PLEKHA5: variants seen among roughly 807,000 people sequenced by gnomAD.
The protein encoded by PLEKHA5 is pleckstrin homology domain-containing family A member 5.
PLEKHA5 carries 55 observed loss-of-function variants against 181.9 expected under a neutral mutation model. The observed-to-expected ratio is 0.30, with a 90% confidence interval of 0.24 to 0.38. The LOEUF (loss-of-function observed/expected upper bound fraction) is 0.38, where lower values mean the gene tolerates loss of function less well. Among genes scored for constraint, PLEKHA5 ranks in the 10% least tolerant of loss-of-function variants. The pLI is 1.00. For missense variants in PLEKHA5, 1,432 were observed against 1,549.5 expected, an observed-to-expected ratio of 0.92 and a Z score of 1.27; for synonymous variants, 535 against 529.4, an observed-to-expected ratio of 1.01 and a Z score of -0.15.
rs1005677787 is a variant in PLEKHA5 at position 19,375,520 on chromosome 12, T to G, written c.*12-11T>G. 2.0e-5 allele frequency: 3 copies of G among 152,574 alleles called. No homozygotes were observed. The South Asian group carries it at 6.2e-4, about 32-fold the overall frequency. The allele number at this position is 152,574 out of a possible 1,614,324, so 9.5% of individuals were successfully genotyped here. A position where few individuals can be genotyped will look rare whatever the true frequency, so the allele number is the denominator to read the frequency against. On this transcript the variant is annotated splice_polypyrimidine_tract_variant and intron_variant, in intron 31 of 31. Coordinates refer to ENST00000429027, the MANE Select transcript of PLEKHA5 (RefSeq NM_001256470.2). ...AGGTGTCAAAGTAATTTCCTCTCTC[T>G]TATTTTTCAGCTATACTGACTTCTG...
At chr12:19,202,115 G>T (rs2054334258) in intron 3 of PLEKHA5, 2 of 511,810 alleles carry the variant, frequency 3.9e-6, no homozygotes, top group Non-Finnish European at 5.0e-6. Flanking sequence ...ATTATTTTCA[G>T]TAGTTTTGCC....
intron 26 of PLEKHA5, among the ~76,000 whole-genome samples, chr12:19,356,022 G>A (rs968287833): frequency 6.6e-6 from 1 of 151,782 alleles, no homozygotes; most frequent in Non-Finnish European, 1.5e-5. Context: ...AAAATTAGCC[G>A]GGAATGGTGG....
chr12:19,299,049 A>G (rs1329466951), intron 15 of PLEKHA5, among the ~76,000 whole-genome samples: 1 of 152,234 alleles, frequency 6.6e-6, no homozygotes, highest in Admixed American at 6.5e-5. Context: ...GGAAGGACCT[A>G]AGGTATGACA....
At chr12:19,330,589 T>A (rs2092742325) in intron 20 of PLEKHA5, among the ~76,000 whole-genome samples, 1 of 120,002 alleles carries the variant, frequency 8.3e-6, no homozygotes. Flanking sequence ...AATTATTTTT[T>A]AAAAAACTCC....
intron 30 of PLEKHA5, 22 bp from the exon 31 acceptor site, chr12:19,369,671 C>T (rs1451493373): frequency 1.4e-6 from 2 of 1,462,764 alleles, no homozygotes; most frequent in Non-Finnish European, 1.9e-6. Flanking sequence ...TTATCTTCTC[C>T]CATTTTCTTT....
At chr12:19,162,939 T>A (rs2043318235) in intron 3 of PLEKHA5, among the ~76,000 whole-genome samples, 1 of 152,200 alleles carries the variant, frequency 6.6e-6, no homozygotes, top group African/African-American at 2.4e-5. Context: ...TCTAGACTAG[T>A]CTAGTGTCTT....
chr12:19,324,558 A>C (rs1002054259), intron 20 of PLEKHA5, among the ~76,000 whole-genome samples: 2 of 152,328 alleles, frequency 1.3e-5, no homozygotes, highest in Middle Eastern at 3.4e-3. Flanking sequence ...ATTTAGATCT[A>C]CATGGATTTC....
At chr12:19,255,626 A>G (rs549485674) in intron 5 of PLEKHA5, among the ~76,000 whole-genome samples, 165 of 151,910 alleles carry the variant, frequency 1.1e-3, no homozygotes, top group African/African-American at 3.7e-3. Flanking sequence ...GAGATTATAA[A>G]TGAATGTAAA....
intron 15 of PLEKHA5, among the ~76,000 whole-genome samples, chr12:19,309,477 T>A (rs2085552385): frequency 6.6e-6 from 1 of 152,106 alleles, no homozygotes; most frequent in South Asian, 2.1e-4. Flanking sequence ...AAGACAAATC[T>A]GGGTGTAGTG....
At chr12:19,239,266 T>C (rs936164762) in intron 3 of PLEKHA5, among the ~76,000 whole-genome samples, 1 of 152,184 alleles carries the variant, frequency 6.6e-6, no homozygotes, top group African/African-American at 2.4e-5. Context: ...TAGCATGCCC[T>C]GCGTTGTACT....
intron 22 of PLEKHA5, among the ~76,000 whole-genome samples, chr12:19,345,062 C>T (rs1456466853): frequency 5.9e-5 from 9 of 151,606 alleles, no homozygotes; most frequent in South Asian, 4.2e-4. Flanking sequence ...GCAGAGATCA[C>T]GCCACTGCAC....
chr12:19,347,082 A>G lies in PLEKHA5; in HGVS notation c.2798A>G (p.Asp933Gly), dbSNP rs890575565. 9 of 1,551,262 alleles carry G rather than the reference A, an allele frequency of 5.8e-6. No individual in the cohort carries two copies. Among genetic ancestry groups the G allele is most frequent in the African/African-American group, 2.7e-5 (2 of 73,042 alleles). Residue 933 changes from aspartate (D) to glycine (G), a missense_variant, in exon 24 of 32, where the codon GAT becomes GGT. This residue lies in a region of PLEKHA5 where 1,143 missense variants were observed against 1,168.4 expected (regional missense o/e 0.98). Transcript: ENST00000429027. The stretch of plus-strand genomic sequence containing the variant: ...CCCATAATCCCCCCTCTGCCCAGTG[A>G]TAGCAGCTCCTTGCTCTGTTATAGC... Reference protein sequence around the residue: ...QPPIIPPLPSDSSSLLCYSRG... With the variant: ...QPPIIPPLPSGSSSLLCYSRG...
intron 29 of PLEKHA5, among the ~76,000 whole-genome samples, chr12:19,362,101 G>A (rs750777022): frequency 5.5e-5 from 8 of 145,340 alleles, no homozygotes; most frequent in East Asian, 4.0e-4. Context: ...CCAAGAGCTC[G>A]AGGCTGCAGT....
intron 3 of PLEKHA5, among the ~76,000 whole-genome samples, chr12:19,217,922 A>G (rs12300939): frequency 0.042 from 6,441 of 152,274 alleles, 289 homozygotes; most frequent in East Asian, 0.2. Context: ...TAAGTTATCT[A>G]TTGCTGCATA....
chr12:19,272,131 A>G (rs150141884), intron 10 of PLEKHA5, among the ~76,000 whole-genome samples: 91 of 152,296 alleles, frequency 6.0e-4, no homozygotes, highest in African/African-American at 2.1e-3. Flanking sequence ...ATAATGTCAT[A>G]GTCTCCTAGT....
intron 3 of PLEKHA5, among the ~76,000 whole-genome samples, chr12:19,179,768 G>C (rs2048133046): frequency 6.6e-6 from 1 of 152,128 alleles, no homozygotes; most frequent in Admixed American, 6.5e-5. Context: ...AGTAATTACA[G>C]GTGAGTTAAT....
At chr12:19,314,923 C>CT (rs1318794559) in intron 16 of PLEKHA5, 29 bp downstream of exon 16, 1 of 1,143,214 alleles carries the variant, frequency 8.7e-7, no homozygotes, top group Non-Finnish European at 1.3e-6. Flanking sequence ...AATGATACTG[C>CT]TTTATCATCT....
intron 3 of PLEKHA5, among the ~76,000 whole-genome samples, chr12:19,145,271 A>C (rs180690027): frequency 1.3e-5 from 2 of 152,256 alleles, no homozygotes; most frequent in Admixed American, 6.5e-5. Flanking sequence ...GATCGTTAGT[A>C]GTTATTATCA....
At chr12:19,305,898 T>A (rs1592409502) in intron 15 of PLEKHA5, among the ~76,000 whole-genome samples, 1 of 109,190 alleles carries the variant, frequency 9.2e-6, no homozygotes, top group African/African-American at 3.2e-5. Context: ...CTATGAAGAC[T>A]GGGCGCGGTG....
Sources: allele counts gnomAD v4.1 joint callset (sites outside exome capture counted in the v4.1 genomes callset), GRCh38; gene constraint gnomAD v4.1.1; regional missense constraint gnomAD v4.1.1; transcripts MANE v1.5; gene names NCBI Gene and HGNC (gene_info 2026-07-23, HGNC 2026-07-21).